The following RPS6KA2 variants were observed in gnomAD, a reference collection of about 807,000 sequenced individuals.
The protein encoded by RPS6KA2 is ribosomal protein S6 kinase alpha-2.
Under a neutral mutation model 91.8 loss-of-function variants are expected in RPS6KA2, and 42 were observed. The ratio of observed to expected loss-of-function variants is 0.46; its 90% confidence interval spans 0.36 to 0.59. The LOEUF (loss-of-function observed/expected upper bound fraction) is 0.59. RPS6KA2 is among the 20% of genes least tolerant of loss of function. RPS6KA2 has a pLI of 0.00. For missense variants in RPS6KA2, 798 were observed against 978.5 expected, an observed-to-expected ratio of 0.82 and a Z score of 2.46; for synonymous variants, 414 against 393.6, an observed-to-expected ratio of 1.05 and a Z score of -0.61.
intron 3 of RPS6KA2, among the ~76,000 whole-genome samples, chr6:166,526,036 G>A (rs1783014187): frequency 6.6e-6 from 1 of 152,184 alleles, no homozygotes. Flanking sequence ...CTAAGTGCTA[G>A]TTAGTACCAG....
rs553446500 is a variant in RPS6KA2, at chr6:166,768,982, C to T, written c.123+89218G>A. ...GACACAGGGTCCTGGCAGAAACAGC[C>T]GCTTTCCTGGGAACACTTTCCAGTT... On this transcript the variant is annotated intron_variant, in intron 2 of 21. Coordinates refer to the RPS6KA2 transcript ENST00000503859. Among the ~76,000 whole-genome samples the T allele has an allele frequency of 5.9e-5, 9 of 152,274 alleles. No individual in the cohort carries two copies. In the South Asian group the frequency reaches 6.2e-4, roughly 11 times the overall value.
Position 166,679,624 on chromosome 6 carries a change from C to T in RPS6KA2, c.124-140840G>A, listed in dbSNP as rs1286949672. Among the ~76,000 whole-genome samples the T allele has an allele frequency of 2.6e-5, 4 of 152,246 alleles. No homozygotes were observed. The East Asian group carries it at 7.7e-4, about 29-fold the overall frequency. On this transcript the variant is annotated intron_variant, in intron 2 of 21. Coordinates refer to the RPS6KA2 transcript ENST00000503859. ...TAGCAGCCCTGGCTCGCTCTCGGCA[C>T]CTCCTCAACCTGGCGGCGCTCCTCG...
intron 2 of RPS6KA2, among the ~76,000 whole-genome samples, chr6:166,764,812 C>T (rs1040412148): frequency 4.1e-5 from 6 of 148,010 alleles, no homozygotes; most frequent in South Asian, 2.1e-4. Context: ...TGCGTAAACA[C>T]GTGCTACAGT....
intron 1 of RPS6KA2, among the ~76,000 whole-genome samples, chr6:166,611,690 T>C (rs1234466801): frequency 6.6e-6 from 1 of 152,222 alleles, no homozygotes; most frequent in Non-Finnish European, 1.5e-5. Flanking sequence ...TCCAATCTCA[T>C]TTCTCTGTGG....
intron 2 of RPS6KA2, among the ~76,000 whole-genome samples, chr6:166,792,983 T>A (rs1025480162): frequency 9.9e-5 from 15 of 152,088 alleles, no homozygotes; most frequent in Non-Finnish European, 2.2e-4. Context: ...CTAGTCAACA[T>A]AGTGTTGGAA....
At chr6:166,862,588 C>A (rs904402407), upstream of RPS6KA2, 5 of 237,376 alleles carry the variant, frequency 2.1e-5, no homozygotes, top group Admixed American at 4.8e-5. Flanking sequence ...TCCCTGGCCA[C>A]GCTCTTCCCT....
intron 2 of RPS6KA2, among the ~76,000 whole-genome samples, chr6:166,774,590 T>C (rs553446906): frequency 1.3e-4 from 20 of 152,178 alleles, no homozygotes; most frequent in Non-Finnish European, 2.5e-4. Flanking sequence ...CCAGCCAGGG[T>C]TTATTTCCTG....
Position 166,494,960 on chromosome 6 carries a change from C to A in RPS6KA2, c.747+3548G>T, listed in dbSNP as rs1223504841. Among the ~76,000 whole-genome samples, 2 of 152,210 alleles carry A rather than the reference C, an allele frequency of 1.3e-5. No homozygotes were observed. Among genetic ancestry groups the A allele is most frequent in the Admixed American group, 1.3e-4 (2 of 15,284 alleles). Reference sequence around the variant, plus strand: ...ATACGACTTCAAAGGTCACCCGAGGCCCATCTCTTAGCTGCAAATGAGAAT... The same window carrying A: ...ATACGACTTCAAAGGTCACCCGAGGACCATCTCTTAGCTGCAAATGAGAAT... On this transcript the variant is annotated intron_variant, in intron 8 of 20. Coordinates refer to ENST00000265678, the MANE Select transcript of RPS6KA2 (RefSeq NM_021135.6). The surrounding 1 kb of genome is among the most constrained non-coding windows in gnomAD (Gnocchi z 5.1).
rs866337279 is a variant in RPS6KA2, at chr6:166,427,379, T to C, written c.1581+3074A>G. 6.8e-3 allele frequency among the ~76,000 whole-genome samples: 1,032 copies of C among 152,324 alleles called. 12 individuals carry two copies. Among genetic ancestry groups the C allele is most frequent in the African/African-American group, 0.024 (992 of 41,550 alleles). On this transcript the variant is annotated intron_variant, in intron 16 of 20. Coordinates refer to ENST00000265678, the MANE Select transcript of RPS6KA2 (RefSeq NM_021135.6). ...GAGCAAAAACTGGAAGCATTCCCTT[T>C]GAAAACTGGCACAAGACAGGGATGC...
chr6:166,599,779 T>C (rs760256425), intron 1 of RPS6KA2, among the ~76,000 whole-genome samples: 2 of 152,162 alleles, frequency 1.3e-5, no homozygotes, highest in Non-Finnish European at 2.9e-5. Flanking sequence ...AGGATCGTGT[T>C]AAGTGCTGGG....
rs749143875 is a variant in RPS6KA2, at chr6:166,500,914, C to T, written c.577G>A (p.Asp193Asn). ...GTGATCTTAATGTGCCCCTCTTCAT[C>T]CAGGAGGATGCTAAAAGAAAGGGAG... ...RDLKPENILL[D>N]EEGHIKITDF... Residue 193 changes from aspartate to asparagine, a missense_variant, in exon 7 of 21, where the codon GAT becomes AAT. By Grantham distance (23) the Asp-to-Asn change is conservative (BLOSUM62 1). Coordinates refer to ENST00000265678, the MANE Select transcript of RPS6KA2 (RefSeq NM_021135.6). This position sits in a 1 kb window ranked among gnomAD's most constrained non-coding sequence, Gnocchi z 4.3. 8 of 1,613,972 alleles carry T rather than the reference C, an allele frequency of 5.0e-6. No individual in the cohort carries two copies. Among genetic ancestry groups the T allele is most frequent in the Non-Finnish European group, 5.1e-6 (6 of 1,179,900 alleles).
In RPS6KA2 at chr6:166,694,030, G is replaced by T. The variant is rs1583026073; in HGVS notation, c.124-155246C>A. Among the ~76,000 whole-genome samples, 4 of 152,202 alleles carry T rather than the reference G, an allele frequency of 2.6e-5. No homozygotes were observed. In the East Asian group the frequency reaches 7.7e-4, roughly 29 times the overall value. The stretch of plus-strand genomic sequence containing the variant: ...AGAATGTCTCTATTGTGCATTGTGT[G>T]ACATTGCAGCTCATCAGGAATTTAT... On this transcript the variant is annotated intron_variant, in intron 2 of 21. Transcript: ENST00000503859.
chr6:166,626,919 A>G lies in RPS6KA2; in HGVS notation c.99+2T>C. The G allele has an allele frequency of 6.6e-7, 1 of 1,519,186 alleles. No individual in the cohort carries two copies. Among genetic ancestry groups the G allele is most frequent in the Middle Eastern group, 2.0e-4 (1 of 4,936 alleles). 94.1% of individuals were successfully genotyped at this position (1,519,186 alleles called of 1,614,324 possible). A position where few individuals can be genotyped will look rare whatever the true frequency, so the allele number is the denominator to read the frequency against. On this transcript the variant is annotated splice_donor_variant, in intron 1 of 20. Transcript: ENST00000265678. LOFTEE classifies it high-confidence loss of function. The surrounding 1 kb of genome is among the most constrained non-coding windows in gnomAD (Gnocchi z 4.1). ...TGCGCGCCCCGAGGGCGGCCGCATTACCTCGAGCCGGCTCAGGCTGGAGCT... is the reference window on the plus strand; with the variant it reads ...TGCGCGCCCCGAGGGCGGCCGCATTGCCTCGAGCCGGCTCAGGCTGGAGCT...
chr6:166,452,687 A>G (rs1402789314), intron 12 of RPS6KA2, among the ~76,000 whole-genome samples: 1 of 152,210 alleles, frequency 6.6e-6, no homozygotes, highest in African/African-American at 2.4e-5. Flanking sequence ...CAAAGTCAAC[A>G]AAAACTTTGT....
intron 14 of RPS6KA2, among the ~76,000 whole-genome samples, chr6:166,436,505 C>T (rs1779311961): frequency 6.6e-6 from 1 of 152,154 alleles, no homozygotes; most frequent in Non-Finnish European, 1.5e-5. Context: ...GTCACAGGAC[C>T]AGAAGGGGCT....
rs777598895 is a variant in RPS6KA2, at chr6:166,469,904, A to G, written c.909T>C (p.Gly303=). Residue 303 remains glycine (G), a splice_region_variant and synonymous_variant, in exon 11 of 21, where the codon GGT becomes GGC. Coordinates refer to ENST00000265678, the MANE Select transcript of RPS6KA2 (RefSeq NM_021135.6). The stretch of plus-strand genomic sequence containing the variant: ...TTTCCTCCACTCCGTCAATGCCAGC[A>G]CCTGTCAACAACACAGAAATGATCA... The part of the protein sequence containing the change: ...LFKRNPCNRL[G]AGIDGVEEIK... 2.7e-5 allele frequency: 44 copies of G among 1,613,612 alleles called. No homozygotes were observed. The highest frequency in any genetic ancestry group is 3.6e-5 in the Non-Finnish European group (43 of 1,179,576).
In RPS6KA2 at chr6:166,554,324, A is replaced by C. The variant is rs1337524422; in HGVS notation, c.100-15540T>G. Among the ~76,000 whole-genome samples, 1 of 152,234 alleles carries C rather than the reference A, an allele frequency of 6.6e-6. No homozygotes were observed. Among genetic ancestry groups the C allele is most frequent in the African/African-American group, 2.4e-5 (1 of 41,456 alleles). On this transcript the variant is annotated intron_variant, in intron 1 of 20. Transcript: ENST00000265678. This position sits in a 1 kb window ranked among gnomAD's most constrained non-coding sequence, Gnocchi z 4.3. The stretch of plus-strand genomic sequence containing the variant: ...ATTTTAGCTTCTGTTTCAAGTCTTA[A>C]GACTAACATATTCCCAGACTGTCAG...
chr6:166,527,683 C>T (rs1783109307), intron 3 of RPS6KA2, among the ~76,000 whole-genome samples: 1 of 152,170 alleles, frequency 6.6e-6, no homozygotes. Context: ...CCAAAAGCAG[C>T]TCCAGACCTG....
chr6:166,724,354 A>C (rs1790276217), intron 2 of RPS6KA2, among the ~76,000 whole-genome samples: 1 of 152,076 alleles, frequency 6.6e-6, no homozygotes, highest in Admixed American at 6.5e-5. Context: ...TTTGTTGTAG[A>C]CTGTGCCTTT....
Sources: gnomAD v4.1 joint callset for allele counts (sites outside exome capture counted in the v4.1 genomes callset) on GRCh38, gnomAD v4.1.1 for gene constraint, Gnocchi (gnomAD v3.1) non-coding constraint, MANE v1.5 for transcripts, NCBI Gene and HGNC (gene_info 2026-07-23, HGNC 2026-07-21) for gene names.